The following LARGE1 variants were observed in gnomAD, a reference collection of about 807,000 sequenced individuals.
The protein encoded by LARGE1 is LARGE xylosyl- and glucuronyltransferase 1, also known as xylosyl- and glucuronyltransferase LARGE1.
A neutral mutation model predicts 87.6 loss-of-function variants in LARGE1; 43 were observed. The observed-to-expected ratio is 0.49, with a 90% confidence interval of 0.38 to 0.63. LARGE1 has a LOEUF of 0.63. Among genes scored for constraint, LARGE1 ranks in the 30% least tolerant of loss-of-function variants. LARGE1 has a pLI of 0.00. For synonymous variants in LARGE1, 434 were observed against 394.6 expected, an observed-to-expected ratio of 1.10 and a Z score of -1.18; for missense variants, 802 against 1,000.2, an observed-to-expected ratio of 0.80 and a Z score of 2.67.
At chr22:33,803,547 G>A (rs1048723355) in intron 1 of LARGE1, among the ~76,000 whole-genome samples, 2 of 152,196 alleles carry the variant, frequency 1.3e-5, no homozygotes, top group African/African-American at 4.8e-5. Flanking sequence ...GACTCAGCAT[G>A]TAGATGTGGC....
intron 5 of LARGE1, among the ~76,000 whole-genome samples, chr22:33,594,373 A>C (rs1462807003): frequency 2.0e-5 from 3 of 152,134 alleles, no homozygotes; most frequent in African/African-American, 7.2e-5. Flanking sequence ...AAAGAACCCC[A>C]AAAAGGGCCT....
chr22:33,466,719 C>G lies in LARGE1; in HGVS notation c.788-34454G>C, dbSNP rs140498991. Among the ~76,000 whole-genome samples, 16 of 151,790 alleles carry G rather than the reference C, an allele frequency of 1.1e-4. No individual in the cohort carries two copies. In the East Asian group the frequency reaches 2.9e-3, roughly 28 times the overall value. ...ACACACACACACACACACACATACA[C>G]ACACACACTACACACACACACCTTA... On this transcript the variant is annotated intron_variant, in intron 6 of 14. Transcript: ENST00000397394.
At chr22:33,598,587 T>C (rs1198791561) in intron 5 of LARGE1, among the ~76,000 whole-genome samples, 1 of 151,212 alleles carries the variant, frequency 6.6e-6, no homozygotes, top group African/African-American at 2.4e-5. Context: ...TGTGTTCTCA[T>C]TGTTCAACTC....
chr22:33,878,903 G>A (rs921953849), intron 1 of LARGE1, among the ~76,000 whole-genome samples: 29 of 152,066 alleles, frequency 1.9e-4, no homozygotes, highest in Admixed American at 1.9e-3. Flanking sequence ...ATATCATCAG[G>A]ATGCATGATA....
At chr22:33,121,410 G>T in the LARGE1 span, among the ~76,000 whole-genome samples, 1 of 152,234 alleles carries the variant, frequency 6.6e-6, no homozygotes. Context: ...AATGCCTGTT[G>T]TGAGGTTCTG....
rs1043405422 is a variant in LARGE1 at position 33,875,541 on chromosome 22, C to A, written c.-83+44454G>T. ...GCTGAGCAGAGATGGCCCTCCCCAG[C>A]CCGCCATGCCTGCTGCATCCTCTGA... On this transcript the variant is annotated intron_variant, in intron 1 of 14. Coordinates refer to ENST00000397394, the MANE Select transcript of LARGE1 (RefSeq NM_133642.5). 2.0e-5 allele frequency among the ~76,000 whole-genome samples: 3 copies of A among 152,220 alleles called. No individual in the cohort carries two copies. The East Asian group carries it at 5.8e-4, about 29-fold the overall frequency.
At chr22:33,824,124 G>A (rs1316162808) in intron 1 of LARGE1, among the ~76,000 whole-genome samples, 1 of 152,172 alleles carries the variant, frequency 6.6e-6, no homozygotes, top group East Asian at 1.9e-4. Flanking sequence ...GCCCGATTGA[G>A]TTTTGCTAAC....
intron 9 of LARGE1, among the ~76,000 whole-genome samples, chr22:33,367,609 A>G (rs531444500): frequency 6.6e-6 from 1 of 152,108 alleles, no homozygotes; most frequent in East Asian, 1.9e-4. Context: ...ATTTTTTGGT[A>G]GAGATGGAGG....
At chr22:33,095,034 T>C in the LARGE1 span, among the ~76,000 whole-genome samples, 3 of 152,234 alleles carry the variant, frequency 2.0e-5, no homozygotes, top group Admixed American at 1.3e-4. Flanking sequence ...TGTGTTCTTA[T>C]AGCACTTTGC....
chr22:33,920,645 C>T (rs1398888101), upstream of LARGE1, among the ~76,000 whole-genome samples: 83 of 142,726 alleles, frequency 5.8e-4, no homozygotes, highest in African/African-American at 2.0e-3. Context: ...CTAGGGGAGG[C>T]GCCCCGGGAA....
At chr22:33,270,827 G>C (rs1928204422), downstream of LARGE1, among the ~76,000 whole-genome samples, 1 of 152,190 alleles carries the variant, frequency 6.6e-6, no homozygotes, top group South Asian at 2.1e-4. Flanking sequence ...GGGGCACAAA[G>C]AGGCTATTAG....
In LARGE1 at chr22:33,395,308, G is replaced by A. The variant is rs189258149; in HGVS notation, c.893-11004C>T. 2.3e-3 allele frequency among the ~76,000 whole-genome samples: 341 copies of A among 151,462 alleles called. 2 individuals carry two copies. Among genetic ancestry groups the A allele is most frequent in the Non-Finnish European group, 3.7e-3 (249 of 67,958 alleles). The stretch of plus-strand genomic sequence containing the variant: ...GTATGAAAAGGAAGCTGTAGGCCTA[G>A]GGTAGGGCCTGATCCAAGATTAGTG... On this transcript the variant is annotated intron_variant, in intron 7 of 14. Transcript: ENST00000397394.
intron 12 of LARGE1, among the ~76,000 whole-genome samples, chr22:33,299,274 AAGAG>A (rs1260338867): frequency 1.3e-5 from 2 of 150,940 alleles, no homozygotes; most frequent in Admixed American, 6.6e-5. Flanking sequence ...AAAAGAAAGA[AAGAG>A]AGAGAGAAAG....
At chr22:33,328,188 G>A (rs572352040) in intron 10 of LARGE1, among the ~76,000 whole-genome samples, 16 of 152,304 alleles carry the variant, frequency 1.1e-4, no homozygotes, top group Non-Finnish European at 1.8e-4. Context: ...TTAAATAGTC[G>A]TAGAGAGACC....
At chr22:33,128,298 G>A in the LARGE1 span, among the ~76,000 whole-genome samples, 1 of 152,154 alleles carries the variant, frequency 6.6e-6, no homozygotes, top group Non-Finnish European at 1.5e-5. Flanking sequence ...AGATACATGC[G>A]TGGGTATGTT....
chr22:33,088,040 A>AGCACAGGCCTAACACACAC, the LARGE1 span, among the ~76,000 whole-genome samples: 1 of 151,244 alleles, frequency 6.6e-6, no homozygotes. Flanking sequence ...TGTATTGGAC[A>AGCACAGGCCTAACACACAC]GCACAGGCCT....
chr22:33,373,434 A>G (rs2064885160), intron 9 of LARGE1, among the ~76,000 whole-genome samples: 1 of 152,158 alleles, frequency 6.6e-6, no homozygotes, highest in Non-Finnish European at 1.5e-5. Context: ...TGTCTTCTTC[A>G]TTTAGAATGG....
At chr22:33,543,514 G>T (rs1460364791) in intron 6 of LARGE1, among the ~76,000 whole-genome samples, 2 of 152,184 alleles carry the variant, frequency 1.3e-5, no homozygotes, top group Admixed American at 1.3e-4. Flanking sequence ...CTGTCAATAA[G>T]GAGGCTCTGA....
intron 11 of LARGE1, among the ~76,000 whole-genome samples, chr22:33,254,283 TGTTTGGATTTCCCTC>T (rs1927149784): frequency 6.6e-6 from 1 of 152,040 alleles, no homozygotes; most frequent in Non-Finnish European, 1.5e-5. Flanking sequence ...CTGGGGAGCA[TGTTTGGATTTCCCTC>T]GTTGGGCCTG....
Sources: gnomAD v4.1 joint callset for allele counts (sites outside exome capture counted in the v4.1 genomes callset) on GRCh38, gnomAD v4.1.1 for gene constraint, MANE v1.5 for transcripts, NCBI Gene and HGNC (gene_info 2026-07-23, HGNC 2026-07-21) for gene names.